Variants in CSRNP3 observed in about 807,000 individuals in gnomAD.
CSRNP3 encodes cysteine/serine-rich nuclear protein 3.
A neutral mutation model predicts 48.0 loss-of-function variants in CSRNP3; 12 were observed. The ratio of observed to expected loss-of-function variants is 0.25; its 90% CI spans 0.16 to 0.41. CSRNP3 has a LOEUF of 0.41. Among genes scored for constraint, CSRNP3 ranks in the 10% least tolerant of loss-of-function variants. The pLI is 1.00. For missense variants in CSRNP3, 580 were observed against 724.4 expected (o/e 0.80, Z 2.29); for synonymous variants, 263 against 269.7 (o/e 0.98, Z 0.24).
chr2:165,663,239 TTAAC>T (rs1482877291), intron 5 of CSRNP3, among the ~76,000 whole-genome samples: 1 of 152,232 alleles, frequency 6.6e-6, no homozygotes, highest in Non-Finnish European at 1.5e-5. Flanking sequence ...GGATGTGTTA[TTAAC>T]TATTTCCCCA....
chr2:165,617,677 G>T (rs971184599), intron 4 of CSRNP3, among the ~76,000 whole-genome samples: 1 of 152,216 alleles, frequency 6.6e-6, no homozygotes, highest in Non-Finnish European at 1.5e-5. Context: ...TAGATGATAC[G>T]CATATGCAGG....
At chr2:165,499,009 G>C (rs889620023) in intron 2 of CSRNP3, among the ~76,000 whole-genome samples, 17 of 152,244 alleles carry the variant, frequency 1.1e-4, no homozygotes, top group African/African-American at 3.6e-4. Context: ...ATAAATCTTA[G>C]AGTGTTCGTA....
rs192760626 is a variant in CSRNP3 at position 165,643,213 on chromosome 2, C to T, written c.149-14548C>T. Among the ~76,000 whole-genome samples, 834 of 152,274 alleles carry T rather than the reference C, an allele frequency of 5.5e-3. 4 individuals are homozygous for T. The highest frequency in any genetic ancestry group is 6.4e-3 in the Non-Finnish European group (438 of 68,030). ...AACCAAAACGCTGTTGGAAAACATTCCTCCATGTGTCTTATACTCTTCTAC... is the reference window on the plus strand; with the variant it reads ...AACCAAAACGCTGTTGGAAAACATTTCTCCATGTGTCTTATACTCTTCTAC... On this transcript the variant is annotated intron_variant, in intron 4 of 6. Coordinates refer to ENST00000651982, the MANE Select transcript of CSRNP3 (RefSeq NM_001172173.2).
chr2:165,509,302 G>A (rs1202415203), intron 2 of CSRNP3, among the ~76,000 whole-genome samples: 1 of 152,202 alleles, frequency 6.6e-6, no homozygotes, highest in East Asian at 1.9e-4. Flanking sequence ...GCTCAATGAA[G>A]TGAGGGAGTA....
At chr2:165,613,983 T>C (rs956099468) in intron 4 of CSRNP3, among the ~76,000 whole-genome samples, 3 of 151,912 alleles carry the variant, frequency 2.0e-5, no homozygotes, top group Non-Finnish European at 4.4e-5. Flanking sequence ...GTAAATTGCT[T>C]TGAGTAGTAT....
intron 3 of CSRNP3, among the ~76,000 whole-genome samples, chr2:165,530,622 A>G (rs1380322712): frequency 2.0e-5 from 3 of 152,118 alleles, no homozygotes; most frequent in African/African-American, 7.2e-5. Flanking sequence ...GTCTTCATGA[A>G]CATGATGAAT....
chr2:165,661,182 A>G (rs1687091381), intron 5 of CSRNP3, among the ~76,000 whole-genome samples: 1 of 152,174 alleles, frequency 6.6e-6, no homozygotes, highest in African/African-American at 2.4e-5. Flanking sequence ...TTCACTTTTA[A>G]TGTGGTATTT....
At chr2:165,614,117 C>T (rs1252505750) in intron 4 of CSRNP3, among the ~76,000 whole-genome samples, 3 of 151,996 alleles carry the variant, frequency 2.0e-5, no homozygotes, top group Non-Finnish European at 2.9e-5. Flanking sequence ...CACTATGCCT[C>T]GCTAAGGTTT....
intron 3 of CSRNP3, among the ~76,000 whole-genome samples, chr2:165,539,321 G>A (rs1684923080): frequency 6.6e-6 from 1 of 151,932 alleles, no homozygotes; most frequent in East Asian, 1.9e-4. Context: ...ACTCTGCCCA[G>A]CTAGTACACT....
At chr2:165,606,557 G>A (rs1040457529) in intron 4 of CSRNP3, among the ~76,000 whole-genome samples, 4 of 152,062 alleles carry the variant, frequency 2.6e-5, no homozygotes, top group African/African-American at 7.2e-5. Flanking sequence ...ACCATGTATT[G>A]ACAAGCATGT....
At chr2:165,629,112 T>C (rs1686488674) in intron 4 of CSRNP3, among the ~76,000 whole-genome samples, 2 of 152,174 alleles carry the variant, frequency 1.3e-5, no homozygotes, top group African/African-American at 2.4e-5. Context: ...GTAAGAGCCA[T>C]GTGTTAAACA....
intron 3 of CSRNP3, among the ~76,000 whole-genome samples, chr2:165,537,272 T>C (rs1202825222): frequency 6.6e-6 from 1 of 151,204 alleles, no homozygotes; most frequent in East Asian, 1.9e-4. Flanking sequence ...AGCTACTCAC[T>C]GAATGCCAGT....
At chr2:165,664,176 G>T (rs1021264857) in intron 5 of CSRNP3, among the ~76,000 whole-genome samples, 15 of 152,218 alleles carry the variant, frequency 9.9e-5, no homozygotes, top group African/African-American at 3.6e-4. Context: ...ATGAGCTAAA[G>T]AACTATATTA....
chr2:165,586,412 C>A (rs1685633512), intron 3 of CSRNP3, among the ~76,000 whole-genome samples: 1 of 152,068 alleles, frequency 6.6e-6, no homozygotes, highest in Non-Finnish European at 1.5e-5. Flanking sequence ...TGAAGGTTGT[C>A]AGATTAACAA....
chr2:165,555,202 A>G (rs1685146457), intron 3 of CSRNP3, among the ~76,000 whole-genome samples: 1 of 151,828 alleles, frequency 6.6e-6, no homozygotes, highest in Non-Finnish European at 1.5e-5. Flanking sequence ...TATCTGATAT[A>G]CTGTATACTT....
chr2:165,623,449 T>C (rs548420576), intron 4 of CSRNP3, among the ~76,000 whole-genome samples: 2 of 152,112 alleles, frequency 1.3e-5, no homozygotes, highest in South Asian at 4.2e-4. Context: ...AAACCATCCC[T>C]CCCCAGTCCG....
At chr2:165,550,089 T>C (rs1311674117) in intron 3 of CSRNP3, among the ~76,000 whole-genome samples, 1 of 152,184 alleles carries the variant, frequency 6.6e-6, no homozygotes, top group East Asian at 1.9e-4. Context: ...TCAGATGTAG[T>C]GAAATGTTAA....
chr2:165,590,323 C>T (rs1574852124), intron 3 of CSRNP3, among the ~76,000 whole-genome samples: 1 of 152,126 alleles, frequency 6.6e-6, no homozygotes. Flanking sequence ...TTGAGTAGAA[C>T]ATGAATTTGG....
At chr2:165,600,267 C>A (rs1408831499) in intron 4 of CSRNP3, among the ~76,000 whole-genome samples, 1 of 145,452 alleles carries the variant, frequency 6.9e-6, no homozygotes, top group African/African-American at 2.6e-5. Context: ...ATGAACTCAT[C>A]ACTTTTTATG....
Sources: allele counts gnomAD v4.1 joint callset (sites outside exome capture counted in the v4.1 genomes callset), GRCh38; gene constraint gnomAD v4.1.1; transcripts MANE v1.5; gene names NCBI Gene and HGNC (gene_info 2026-07-23, HGNC 2026-07-21).